AGPAT3: variants seen among roughly 807,000 people sequenced by gnomAD.
AGPAT3 encodes 1-acyl-sn-glycerol-3-phosphate acyltransferase gamma.
Under a neutral mutation model 47.3 loss-of-function variants are expected in AGPAT3, and 5 were observed. That is an observed-to-expected ratio of 0.11 (90% CI 0.06 to 0.22). The LOEUF is 0.22. AGPAT3 is among the 10% of genes least tolerant of loss of function. The probability of loss-of-function intolerance (pLI) is 1.00; values close to 1 mark genes in which losing one functional copy is unlikely to be tolerated. For synonymous variants in AGPAT3, 212 were observed against 208.3 expected (o/e 1.02, Z -0.15); for missense variants, 315 against 493.0 (o/e 0.64, Z 3.42).
chr21:43,962,369 A>G (rs117576009), intron 3 of AGPAT3, among the ~76,000 whole-genome samples: 2,375 of 152,302 alleles, frequency 0.016, 33 homozygotes, highest in Non-Finnish European at 0.023. Flanking sequence ...TGGAAATCCT[A>G]TAATATAAAA....
chr21:43,913,204 G>A (rs2086662972), intron 2 of AGPAT3, among the ~76,000 whole-genome samples: 2 of 152,152 alleles, frequency 1.3e-5, no homozygotes, highest in Admixed American at 6.5e-5. Context: ...ACTTTTTAAT[G>A]TGCTGTTAGC....
chr21:43,905,350 C>T (rs2086468851), intron 2 of AGPAT3, among the ~76,000 whole-genome samples: 1 of 151,858 alleles, frequency 6.6e-6, no homozygotes, highest in African/African-American at 2.4e-5. Context: ...CCACCACGTC[C>T]GGCTAATTTT....
In AGPAT3 at chr21:43,970,086, G is replaced by A. The variant is rs939978102; in HGVS notation, c.511-567G>A. ...TGCAGTGGCATGATCTCAGCTCACT[G>A]CAACCTCTGCCTCCCGGGTTCCAGC... On this transcript the variant is annotated intron_variant, in intron 5 of 9. Transcript: ENST00000291572. The surrounding 1 kb of genome is among the most constrained non-coding windows in gnomAD (Gnocchi z 5.8). Among the ~76,000 whole-genome samples the A allele has an allele frequency of 8.6e-5, 13 of 151,938 alleles. No individual in the cohort carries two copies. The highest frequency in any genetic ancestry group is 1.9e-4 in the Non-Finnish European group (13 of 68,018).
At chr21:43,911,730 G>C (rs1467796427) in intron 2 of AGPAT3, among the ~76,000 whole-genome samples, 3 of 152,252 alleles carry the variant, frequency 2.0e-5, no homozygotes, top group Non-Finnish European at 4.4e-5. Context: ...AGGGCTCTAT[G>C]CATGCACATT....
chr21:43,940,756 C>G (rs1429992886), intron 2 of AGPAT3, among the ~76,000 whole-genome samples: 1 of 152,206 alleles, frequency 6.6e-6, no homozygotes, highest in Admixed American at 6.5e-5. Context: ...ATCAAAGTGG[C>G]GCTGCTCTGT....
intron 7 of AGPAT3, 104 bp from the exon 8 acceptor site, chr21:43,977,942 G>T: frequency 2.5e-6 from 2 of 785,994 alleles, no homozygotes; most frequent in Non-Finnish European, 4.1e-6. Flanking sequence ...AGAAGGAGTG[G>T]GGCCCATAGG....
intron 3 of AGPAT3, 183 bp from the exon 4 acceptor site, chr21:43,967,763 A>C: frequency 1.6e-6 from 1 of 616,268 alleles, no homozygotes; most frequent in South Asian, 2.1e-5. Flanking sequence ...GTCTCCTCCC[A>C]ACTGTTGCTT....
intron 2 of AGPAT3, among the ~76,000 whole-genome samples, chr21:43,923,230 G>C (rs2086946546): frequency 6.6e-6 from 1 of 151,482 alleles, no homozygotes. Context: ...AGTAGGGGGT[G>C]GGGGGAGTCG....
intron 1 of AGPAT3, among the ~76,000 whole-genome samples, chr21:43,879,961 C>T (rs1022748585): frequency 2.0e-5 from 3 of 152,148 alleles, no homozygotes; most frequent in African/African-American, 4.8e-5. Context: ...TCCCTATGCT[C>T]CTGGGGTGGA....
chr21:43,866,124 T>TTG (rs2085500109), intron 1 of AGPAT3, among the ~76,000 whole-genome samples: 1 of 150,890 alleles, frequency 6.6e-6, no homozygotes, highest in Admixed American at 6.6e-5. Flanking sequence ...TGCAGTGTTT[T>TTG]TTTTTTTTTT....
intron 1 of AGPAT3, among the ~76,000 whole-genome samples, chr21:43,876,575 C>T (rs532031910): frequency 2.6e-5 from 4 of 152,308 alleles, no homozygotes; most frequent in Admixed American, 2.6e-4. Context: ...GAAAGTGATC[C>T]TACAGCAGAA....
intron 2 of AGPAT3, among the ~76,000 whole-genome samples, chr21:43,942,452 C>T (rs1043008086): frequency 1.9e-4 from 29 of 152,204 alleles, no homozygotes; most frequent in African/African-American, 6.8e-4. Flanking sequence ...GCCACACGTG[C>T]CCAGGTACCT....
rs1304382653 is a variant in AGPAT3, at chr21:43,932,035, A to G, written c.-48-27599A>G. Among the ~76,000 whole-genome samples, 1 of 151,990 alleles carries G rather than the reference A, an allele frequency of 6.6e-6. No homozygotes were observed. The highest frequency in any genetic ancestry group is 1.5e-5 in the Non-Finnish European group (1 of 68,008). ...AATATGATTGTGTATATGGAGTACC[A>G]TGTGATCTATGTGTACATTGTAGAA... On this transcript the variant is annotated intron_variant, in intron 2 of 9. Transcript: ENST00000291572. This position sits in a 1 kb window ranked among gnomAD's most constrained non-coding sequence, Gnocchi z 5.2.
rs376788003 is a variant in AGPAT3, at chr21:43,897,594, C to T, written c.-111-6363C>T. 3.7e-4 allele frequency among the ~76,000 whole-genome samples: 51 copies of T among 139,582 alleles called. 3 individuals carry two copies. Among genetic ancestry groups the T allele is most frequent in the African/African-American group, 1.0e-3 (35 of 34,670 alleles). 91.6% of individuals were successfully genotyped at this position (139,582 alleles called of 152,430 possible). A position where few individuals can be genotyped will look rare whatever the true frequency, so the allele number is the denominator to read the frequency against. ...CTCCTCACATCCCAGACGGGGCGGC[C>T]GGGCAGAGGGGCTCCTCACCTCCCA... On this transcript the variant is annotated intron_variant, in intron 1 of 9. Transcript: ENST00000291572.
At chr21:43,891,350 C>T (rs755352682) in intron 1 of AGPAT3, among the ~76,000 whole-genome samples, 6 of 152,284 alleles carry the variant, frequency 3.9e-5, no homozygotes, top group Admixed American at 1.3e-4. Context: ...GAAGCAACTC[C>T]GGGCCGGGTG....
intron 2 of AGPAT3, among the ~76,000 whole-genome samples, chr21:43,907,503 G>T (rs2086528580): frequency 6.6e-6 from 1 of 152,144 alleles, no homozygotes; most frequent in South Asian, 2.1e-4. Flanking sequence ...GGATCACGAG[G>T]TCAGGAGATC....
chr21:43,977,533 A>G (rs886122216), intron 7 of AGPAT3, among the ~76,000 whole-genome samples: 1 of 152,126 alleles, frequency 6.6e-6, no homozygotes, highest in African/African-American at 2.4e-5. Flanking sequence ...CTGACTGTGT[A>G]CTCAGGGCGG....
intron 7 of AGPAT3, among the ~76,000 whole-genome samples, chr21:43,975,985 C>CTTTT (rs112906148): frequency 2.1e-5 from 3 of 140,584 alleles, no homozygotes; most frequent in South Asian, 2.3e-4. Flanking sequence ...TTTTCTTTTC[C>CTTTT]TTTTTTTTTT....
intron 2 of AGPAT3, among the ~76,000 whole-genome samples, chr21:43,929,293 C>T (rs538473879): frequency 2.4e-4 from 36 of 152,320 alleles, no homozygotes; most frequent in African/African-American, 7.5e-4. Flanking sequence ...GGGCCGCATG[C>T]GGGCTTGTGT....
Sources: gnomAD v4.1 joint callset for allele counts (sites outside exome capture counted in the v4.1 genomes callset) on GRCh38, gnomAD v4.1.1 for gene constraint, Gnocchi (gnomAD v3.1) non-coding constraint, MANE v1.5 for transcripts, NCBI Gene and HGNC (gene_info 2026-07-23, HGNC 2026-07-21) for gene names.